Variants in EFHC1 observed in about 807,000 individuals in gnomAD.
EFHC1 encodes the protein EF-hand domain containing 1.
In EFHC1, 53 loss-of-function variants were observed where a neutral mutation model predicts 69.9. That is an observed-to-expected ratio of 0.76 (90% confidence interval 0.61 to 0.95). EFHC1 has a LOEUF of 0.95. Ranked by LOEUF, EFHC1 falls within the 40% of genes least tolerant of loss-of-function variation. The probability of loss-of-function intolerance (pLI) is 0.00; values close to 1 mark genes in which losing one functional copy is unlikely to be tolerated. For synonymous variants in EFHC1, 256 were observed against 278.4 expected (o/e 0.92, Z 0.80); for missense variants, 739 against 798.7 (o/e 0.93, Z 0.90).
At chr6:52,457,280 G>A (rs1176596445) in intron 5 of EFHC1, among the ~76,000 whole-genome samples, 1 of 152,168 alleles carries the variant, frequency 6.6e-6, no homozygotes, top group African/African-American at 2.4e-5. Context: ...CATGCAGACC[G>A]AGGTCAGAAG....
intron 7 of EFHC1, among the ~76,000 whole-genome samples, chr6:52,475,493 G>C (rs571351970): frequency 1.8e-4 from 28 of 152,242 alleles, no homozygotes; most frequent in African/African-American, 6.5e-4. Flanking sequence ...TGAGAAACTT[G>C]GCAAAGCTTT....
At chr6:52,476,484 C>T (rs966534402) in intron 7 of EFHC1, among the ~76,000 whole-genome samples, 3 of 152,130 alleles carry the variant, frequency 2.0e-5, no homozygotes, top group Non-Finnish European at 4.4e-5. Context: ...AAAACATCTC[C>T]CCCAAGATGT....
chr6:52,466,842 G>T (rs1032381545), intron 6 of EFHC1, among the ~76,000 whole-genome samples: 1 of 152,202 alleles, frequency 6.6e-6, no homozygotes, highest in Non-Finnish European at 1.5e-5. Flanking sequence ...ACAATTTCTG[G>T]AAGGAAGTGT....
rs773056527 is a variant in EFHC1 at position 52,452,691 on chromosome 6, T to A, written c.577T>A (p.Phe193Ile). ...VVDCDQFTQVFLESQGIELNP... is the reference protein window; with the variant it reads ...VVDCDQFTQVILESQGIELNP... ...TTGTTAACTTTCAATTATTTAGGTATTTTTAGAAAGCCAAGGAATTGAGTT... is the reference window on the plus strand; with the variant it reads ...TTGTTAACTTTCAATTATTTAGGTAATTTTAGAAAGCCAAGGAATTGAGTT... The change falls in exon 4 of 11, where the codon TTT becomes ATT. Residue 193 changes from phenylalanine to isoleucine, a missense_variant. Physicochemically the swap from Phe to Ile is conservative, Grantham distance 21 (BLOSUM62 0). Coordinates refer to ENST00000371068, the MANE Select transcript of EFHC1 (RefSeq NM_018100.4). The A allele has an allele frequency of 6.2e-7, 1 of 1,614,128 alleles. No homozygotes were observed. Among genetic ancestry groups the A allele is most frequent in the South Asian group, 1.1e-5 (1 of 91,082 alleles).
chr6:52,460,985 G>T (rs755256549), intron 5 of EFHC1, among the ~76,000 whole-genome samples: 1 of 152,168 alleles, frequency 6.6e-6, no homozygotes, highest in Non-Finnish European at 1.5e-5. Context: ...GAATTTGTGA[G>T]AGTTAAAAAT....
chr6:52,478,647 T>A (rs898761853), intron 7 of EFHC1, among the ~76,000 whole-genome samples: 2 of 152,244 alleles, frequency 1.3e-5, no homozygotes, highest in African/African-American at 4.8e-5. Context: ...GTGGTCAGAA[T>A]GTAGCCCACA....
chr6:52,455,283 C>T (rs1385853378), intron 5 of EFHC1, among the ~76,000 whole-genome samples: 1 of 152,006 alleles, frequency 6.6e-6, no homozygotes, highest in Non-Finnish European at 1.5e-5. Flanking sequence ...GTTTGGGTGG[C>T]TGACAGGATT....
intron 6 of EFHC1, among the ~76,000 whole-genome samples, chr6:52,465,722 A>T (rs1260821354): frequency 6.6e-6 from 1 of 151,352 alleles, no homozygotes; most frequent in African/African-American, 2.4e-5. Flanking sequence ...CATGAGGATC[A>T]CTTTAACCTG....
chr6:52,456,579 A>C (rs1467665640), intron 5 of EFHC1, among the ~76,000 whole-genome samples: 1 of 152,142 alleles, frequency 6.6e-6, no homozygotes, highest in Non-Finnish European at 1.5e-5. Flanking sequence ...TCAAAGTTGC[A>C]TGGAGAGGCA....
At chr6:52,427,785 G>A (rs1372753363) in intron 2 of EFHC1, among the ~76,000 whole-genome samples, 1 of 152,084 alleles carries the variant, frequency 6.6e-6, no homozygotes, top group Non-Finnish European at 1.5e-5. Context: ...TACCATATAT[G>A]CTTATAATAA....
At chr6:52,424,207 C>G in intron 2 of EFHC1, 40 bp downstream of exon 2, 1 of 1,583,746 alleles carries the variant, frequency 6.3e-7, no homozygotes. Context: ...GAATTAGGGT[C>G]TGAGAGCCAA....
chr6:52,459,647 G>A (rs968788554), intron 5 of EFHC1, among the ~76,000 whole-genome samples: 14 of 151,982 alleles, frequency 9.2e-5, no homozygotes, highest in African/African-American at 2.9e-4. Context: ...AAAATAGCGT[G>A]ACAGGTTTTT....
intron 2 of EFHC1, 50 bp from the exon 3 acceptor site, chr6:52,438,254 A>T (rs1217801489): frequency 2.6e-6 from 4 of 1,562,450 alleles, no homozygotes; most frequent in Middle Eastern, 1.9e-4. Context: ...TTTTCAGATG[A>T]CTATGACAAG....
intron 7 of EFHC1, among the ~76,000 whole-genome samples, chr6:52,471,355 C>G (rs16882592): frequency 0.19 from 28,997 of 152,078 alleles, 3,240 homozygotes; most frequent in Admixed American, 0.34. Flanking sequence ...TTATAATAAC[C>G]CCAGGTGACT....
intron 3 of EFHC1, among the ~76,000 whole-genome samples, chr6:52,441,906 G>A (rs1432219050): frequency 6.6e-6 from 1 of 152,122 alleles, no homozygotes; most frequent in African/African-American, 2.4e-5. Context: ...CAGCTTGGCT[G>A]TTGTTGGTGT....
chr6:52,457,144 C>A (rs1473501009), intron 5 of EFHC1, among the ~76,000 whole-genome samples: 1 of 152,166 alleles, frequency 6.6e-6, no homozygotes. Context: ...ATGTAACTCC[C>A]ATTCCTAGAA....
At chr6:52,475,996 A>G (rs769226881) in intron 7 of EFHC1, among the ~76,000 whole-genome samples, 2 of 152,174 alleles carry the variant, frequency 1.3e-5, no homozygotes, top group African/African-American at 2.4e-5. Context: ...GCAGAAACCA[A>G]ACGAATAGCT....
At chr6:52,422,925 C>T (rs1233496601) in intron 1 of EFHC1, among the ~76,000 whole-genome samples, 6 of 152,266 alleles carry the variant, frequency 3.9e-5, no homozygotes, top group Non-Finnish European at 7.4e-5. Flanking sequence ...CAGGTTGCCA[C>T]GTGATCTCTA....
chr6:52,484,790 G>A (rs1765752430), intron 9 of EFHC1, among the ~76,000 whole-genome samples: 1 of 152,164 alleles, frequency 6.6e-6, no homozygotes, highest in African/African-American at 2.4e-5. Flanking sequence ...GATATTGGGA[G>A]GCCTTGTGAT....
Sources: gnomAD v4.1 joint callset for allele counts (sites outside exome capture counted in the v4.1 genomes callset) on GRCh38, gnomAD v4.1.1 for gene constraint, MANE v1.5 for transcripts, NCBI Gene and HGNC (gene_info 2026-07-23, HGNC 2026-07-21) for gene names.